ERC1: variants seen among roughly 807,000 people sequenced by gnomAD.
ERC1 encodes RAB6 interacting protein 2.
In ERC1, 56 loss-of-function variants were observed where a neutral mutation model predicts 132.0. The observed-to-expected ratio is 0.42, with a 90% CI of 0.34 to 0.53. The LOEUF is 0.53. ERC1 is among the 20% of genes least tolerant of loss of function. The pLI is 0.03. For synonymous variants in ERC1, 478 were observed against 476.1 expected (o/e 1.00, Z -0.05); for missense variants, 1,202 against 1,349.9 (o/e 0.89, Z 1.72).
intron 1 of ERC1, among the ~76,000 whole-genome samples, chr12:1,022,999 C>T (rs1966605576): frequency 6.6e-6 from 1 of 152,170 alleles, no homozygotes. Flanking sequence ...GATGTGTTTG[C>T]TTCCCCTTCT....
chr12:1,034,550 CGT>C (rs1011548059), intron 2 of ERC1, among the ~76,000 whole-genome samples: 13 of 151,984 alleles, frequency 8.6e-5, no homozygotes, highest in African/African-American at 2.4e-4. Flanking sequence ...TCAGATTATA[CGT>C]GTGTGTGTGT....
intron 7 of ERC1, among the ~76,000 whole-genome samples, chr12:1,122,217 ATC>A (rs1324321089): frequency 0.018 from 605 of 33,966 alleles, no homozygotes; most frequent in Non-Finnish European, 0.024. Context: ...CTCTATCTCT[ATC>A]TCTATCTCTA....
intron 14 of ERC1, among the ~76,000 whole-genome samples, chr12:1,270,483 C>T (rs2077761025): frequency 3.3e-5 from 5 of 152,162 alleles, no homozygotes; most frequent in Non-Finnish European, 7.3e-5. Context: ...GCTGGGATTA[C>T]AGGCGTGAGC....
chr12:1,262,727 T>C (rs2077219085), intron 13 of ERC1, among the ~76,000 whole-genome samples: 1 of 152,214 alleles, frequency 6.6e-6, no homozygotes, highest in Non-Finnish European at 1.5e-5. Flanking sequence ...TTTGTGCTTT[T>C]AAGTAATCAA....
intron 18 of ERC1, among the ~76,000 whole-genome samples, chr12:1,476,086 AC>A (rs1424819684): frequency 1.3e-5 from 2 of 152,088 alleles, no homozygotes; most frequent in Non-Finnish European, 2.9e-5. Flanking sequence ...ACACAGTGAA[AC>A]CCCGTCTCTA....
intron 18 of ERC1, among the ~76,000 whole-genome samples, chr12:1,467,942 C>T (rs903075500): frequency 1.1e-4 from 17 of 152,202 alleles, no homozygotes; most frequent in Non-Finnish European, 1.0e-4. Context: ...CAGTAATGCA[C>T]GCAATGGAGA....
intron 18 of ERC1, among the ~76,000 whole-genome samples, chr12:1,475,515 G>A (rs933032101): frequency 3.3e-5 from 5 of 152,102 alleles, no homozygotes; most frequent in African/African-American, 1.2e-4. Flanking sequence ...GCTCAACCGT[G>A]AAGGATAAGA....
chr12:1,445,912 C>T (rs1176039571), intron 18 of ERC1, among the ~76,000 whole-genome samples: 2 of 152,194 alleles, frequency 1.3e-5, no homozygotes, highest in African/African-American at 4.8e-5. Flanking sequence ...AAGCAGCAGA[C>T]ATTTATTGCT....
Position 1,405,293 on chromosome 12 carries a change from GTTT to G in ERC1, c.2926-2846_2926-2844del, listed in dbSNP as rs59265030. On this transcript the variant is annotated intron_variant, in intron 16 of 18. Coordinates refer to ENST00000360905, the MANE Select transcript of ERC1 (RefSeq NM_178040.4). ...TGATTCACAGATAATTTATTAATCG[GTTT>G]TTTTTTTTTCTATCGTTATGTACTG... Among the ~76,000 whole-genome samples, 509 of 146,724 alleles carry G rather than the reference GTTT, an allele frequency of 3.5e-3. 5 individuals carry two copies. Among genetic ancestry groups the G allele is most frequent in the African/African-American group, 0.011 (434 of 40,576 alleles).
intron 12 of ERC1, among the ~76,000 whole-genome samples, chr12:1,197,744 T>C (rs1052048580): frequency 2.0e-5 from 3 of 152,234 alleles, no homozygotes; most frequent in Non-Finnish European, 4.4e-5. Context: ...GCTTGTCTAA[T>C]AGCTAGAAAT....
chr12:1,334,645 A>T (rs560470987), intron 15 of ERC1, among the ~76,000 whole-genome samples: 77 of 152,164 alleles, frequency 5.1e-4, no homozygotes, highest in Non-Finnish European at 9.6e-4. Context: ...CCTGTAGTAT[A>T]GTTTGAAGTC....
chr12:1,100,231 T>A (rs1224736697), intron 3 of ERC1, among the ~76,000 whole-genome samples: 1 of 151,622 alleles, frequency 6.6e-6, no homozygotes, highest in Non-Finnish European at 1.5e-5. Flanking sequence ...AGGCCTTAAG[T>A]CAAGAGGGTG....
chr12:1,353,918 A>G (rs1329056631), intron 15 of ERC1, among the ~76,000 whole-genome samples: 4 of 152,036 alleles, frequency 2.6e-5, no homozygotes, highest in Non-Finnish European at 2.9e-5. Flanking sequence ...AACATGTTTT[A>G]TCTCTTCTTA....
At chr12:1,370,109 C>T (rs933630166) in intron 15 of ERC1, among the ~76,000 whole-genome samples, 2 of 152,156 alleles carry the variant, frequency 1.3e-5, no homozygotes, top group African/African-American at 4.8e-5. Context: ...AGGTCAAAAG[C>T]TCAGGCCACT....
intron 8 of ERC1, among the ~76,000 whole-genome samples, chr12:1,170,383 A>C (rs183874753): frequency 5.3e-5 from 8 of 152,184 alleles, no homozygotes; most frequent in Non-Finnish European, 8.8e-5. Flanking sequence ...TTTTTAAAAA[A>C]ATATTGGATC....
chr12:1,012,522 G>A (rs1265828248), intron 1 of ERC1, among the ~76,000 whole-genome samples: 1 of 147,088 alleles, frequency 6.8e-6, no homozygotes, highest in African/African-American at 2.5e-5. Context: ...CAACAGGCTG[G>A]AGTGTTGTGG....
intron 12 of ERC1, among the ~76,000 whole-genome samples, chr12:1,235,289 G>T (rs959679362): frequency 6.6e-5 from 10 of 152,186 alleles, no homozygotes; most frequent in African/African-American, 2.4e-4. Context: ...AGCCTGGGGG[G>T]TCAAGGCTGC....
intron 2 of ERC1, among the ~76,000 whole-genome samples, chr12:1,058,932 CAG>C (rs1474293761): frequency 1.3e-5 from 2 of 151,910 alleles, no homozygotes; most frequent in African/African-American, 4.8e-5. Flanking sequence ...GCTGGGATGA[CAG>C]TGGTCATTTT....
At chr12:1,038,882 G>A (rs1260454324) in intron 2 of ERC1, among the ~76,000 whole-genome samples, 3 of 152,154 alleles carry the variant, frequency 2.0e-5, no homozygotes, top group Non-Finnish European at 4.4e-5. Context: ...GGAGAAGAAG[G>A]TGCACATCCA....
Sources: gnomAD v4.1 joint callset for allele counts (sites outside exome capture counted in the v4.1 genomes callset) on GRCh38, gnomAD v4.1.1 for gene constraint, MANE v1.5 for transcripts, NCBI Gene and HGNC (gene_info 2026-07-23, HGNC 2026-07-21) for gene names.